Variants in PSD3 observed in about 807,000 individuals in gnomAD.
The protein encoded by PSD3 is PH and SEC7 domain-containing protein 3.
In PSD3, 49 loss-of-function variants were observed where a neutral mutation model predicts 105.5. The ratio of observed to expected loss-of-function variants is 0.46; its 90% CI spans 0.37 to 0.59. PSD3 has a LOEUF of 0.59. PSD3 is among the 20% of genes least tolerant of loss of function. The probability of loss-of-function intolerance (pLI) is 0.00; values close to 1 mark genes in which losing one functional copy is unlikely to be tolerated. For missense variants in PSD3, 1,561 were observed against 1,263.8 expected (o/e 1.24, Z -3.57); for synonymous variants, 557 against 457.8 (o/e 1.22, Z -2.77).
intron 11 of PSD3, among the ~76,000 whole-genome samples, chr8:18,627,648 G>C (rs991579066): frequency 6.6e-6 from 1 of 151,872 alleles, no homozygotes; most frequent in African/African-American, 2.4e-5. Context: ...AAGGGTAAAG[G>C]CAAGCGTCTA....
chr8:19,000,389 T>C (rs1480923691), intron 1 of PSD3, among the ~76,000 whole-genome samples: 1 of 85,188 alleles, frequency 1.2e-5, no homozygotes. Context: ...AGAGCAAGGC[T>C]CTGTCTGAAA....
At chr8:18,578,647 T>C (rs1042015848) in intron 12 of PSD3, among the ~76,000 whole-genome samples, 1 of 151,934 alleles carries the variant, frequency 6.6e-6, no homozygotes, top group African/African-American at 2.4e-5. Flanking sequence ...GGAGCCACTA[T>C]AAATATTCTT....
At chr8:19,060,854 G>C (rs993225988) in intron 1 of PSD3, among the ~76,000 whole-genome samples, 2 of 152,228 alleles carry the variant, frequency 1.3e-5, no homozygotes, top group Non-Finnish European at 2.9e-5. Context: ...AAGGGCACGA[G>C]CTTTAAAACT....
rs377348953 is a variant in PSD3 at position 18,726,590 on chromosome 8, C to T, written c.2172+38859G>A. On this transcript the variant is annotated intron_variant, in intron 9 of 15. Coordinates refer to ENST00000327040, the MANE Select transcript of PSD3 (RefSeq NM_015310.4). ...CCATGACTTTAATTCATGCTCATGG[C>T]GAAAGATTTCCAAACAATTCTATCT... Among the ~76,000 whole-genome samples, 149 of 152,286 alleles carry T rather than the reference C, an allele frequency of 9.8e-4. 5 individuals carry two copies. The South Asian group carries it at 0.029, about 29-fold the overall frequency.
intron 4 of PSD3, chr8:18,854,086 A>G (rs1815806116): frequency 6.6e-6 from 1 of 152,184 alleles, no homozygotes; most frequent in African/African-American, 2.4e-5. Flanking sequence ...CAATACACCA[A>G]TTTCCAGTTA....
At chr8:18,732,257 G>A (rs1178296655) in intron 9 of PSD3, among the ~76,000 whole-genome samples, 2 of 152,088 alleles carry the variant, frequency 1.3e-5, no homozygotes. Flanking sequence ...ACAAAATACT[G>A]ATTGTAGATG....
chr8:18,779,437 C>T (rs1275307647), intron 8 of PSD3, among the ~76,000 whole-genome samples: 1 of 147,418 alleles, frequency 6.8e-6, no homozygotes, highest in African/African-American at 2.5e-5. Flanking sequence ...GCCTTTTTTT[C>T]ACCTCTAATT....
chr8:18,567,170 C>T (rs887597191), intron 14 of PSD3, among the ~76,000 whole-genome samples: 1 of 152,096 alleles, frequency 6.6e-6, no homozygotes, highest in African/African-American at 2.4e-5. Flanking sequence ...TCCCCTGGAT[C>T]TTTTATAGAA....
chr8:18,599,061 T>C (rs1804243008), intron 12 of PSD3, among the ~76,000 whole-genome samples: 1 of 152,126 alleles, frequency 6.6e-6, no homozygotes, highest in African/African-American at 2.4e-5. Flanking sequence ...CCAAAATTTA[T>C]ATGTAATCAT....
intron 1 of PSD3, among the ~76,000 whole-genome samples, chr8:18,991,373 T>TACAC (rs71545538): frequency 0.36 from 35,616 of 99,614 alleles, 4,711 homozygotes; most frequent in Middle Eastern, 0.48. Flanking sequence ...CACACACACA[T>TACAC]ACACACACAC....
chr8:18,918,087 A>C (rs1048569737), intron 2 of PSD3, among the ~76,000 whole-genome samples: 1 of 152,208 alleles, frequency 6.6e-6, no homozygotes, highest in African/African-American at 2.4e-5. Context: ...TTTTTTAAAA[A>C]ATTAATAAAA....
chr8:18,750,620 A>G (rs952664843), intron 9 of PSD3, among the ~76,000 whole-genome samples: 1 of 152,004 alleles, frequency 6.6e-6, no homozygotes, highest in Admixed American at 6.5e-5. Context: ...GCCTGCTTTT[A>G]TTCTCTTATC....
rs144378198 is a variant in PSD3, at chr8:19,064,368, G to A, written c.324+19838C>T. 1.4e-4 allele frequency among the ~76,000 whole-genome samples: 21 copies of A among 152,040 alleles called. No homozygotes were observed. In the East Asian group the frequency reaches 4.1e-3, roughly 29 times the overall value. On this transcript the variant is annotated intron_variant, in intron 1 of 1. Coordinates refer to the PSD3 transcript ENST00000521475. ...AAAAATATTTTTAATTATTAACTAT[G>A]TTAATTATCTATTTTTAACTGTTAT...
chr8:18,895,863 T>C (rs1819116558), intron 2 of PSD3, among the ~76,000 whole-genome samples: 1 of 152,224 alleles, frequency 6.6e-6, no homozygotes, highest in Non-Finnish European at 1.5e-5. Context: ...TTGTAAATTA[T>C]ACTCACCCAG....
chr8:18,732,214 C>T (rs937663183), intron 9 of PSD3, among the ~76,000 whole-genome samples: 7 of 151,900 alleles, frequency 4.6e-5, no homozygotes, highest in African/African-American at 7.3e-5. Flanking sequence ...CAAGAAATAG[C>T]GACTGAAGAA....
intron 9 of PSD3, among the ~76,000 whole-genome samples, chr8:18,749,914 T>C (rs1381873476): frequency 1.3e-5 from 2 of 152,112 alleles, no homozygotes; most frequent in African/African-American, 2.4e-5. Context: ...CTTAATGAAC[T>C]TGAAGCAGAT....
At chr8:18,583,303 G>A (rs1245818963) in intron 12 of PSD3, among the ~76,000 whole-genome samples, 1 of 152,102 alleles carries the variant, frequency 6.6e-6, no homozygotes, top group Non-Finnish European at 1.5e-5. Flanking sequence ...GTCAGGTGTG[G>A]TGGTGGTCCC....
At chr8:19,054,915 G>C (rs1053348601) in intron 1 of PSD3, among the ~76,000 whole-genome samples, 1 of 152,144 alleles carries the variant, frequency 6.6e-6, no homozygotes, top group African/African-American at 2.4e-5. Context: ...CCAGCAGAAA[G>C]AAAATTTGTG....
chr8:18,968,838 T>G (rs979334499), intron 1 of PSD3, among the ~76,000 whole-genome samples: 1 of 126,468 alleles, frequency 7.9e-6, no homozygotes, highest in Non-Finnish European at 1.6e-5. Flanking sequence ...ATCGCGCCAC[T>G]GCACTGCAGC....
Sources: gnomAD v4.1 joint callset for allele counts (sites outside exome capture counted in the v4.1 genomes callset) on GRCh38, gnomAD v4.1.1 for gene constraint, MANE v1.5 for transcripts, NCBI Gene and HGNC (gene_info 2026-07-23, HGNC 2026-07-21) for gene names.